The following EXOC6B variants were observed in gnomAD, a reference collection of about 807,000 sequenced individuals.
EXOC6B encodes SEC15 homolog B.
Under a neutral mutation model 113.5 loss-of-function variants are expected in EXOC6B, and 54 were observed. The ratio of observed to expected loss-of-function variants is 0.48; its 90% CI spans 0.38 to 0.60. EXOC6B has a LOEUF of 0.60. Ranked by LOEUF, EXOC6B falls within the 20% of genes least tolerant of loss-of-function variation. EXOC6B has a pLI of 0.00. For missense variants in EXOC6B, 797 were observed against 977.5 expected, an observed-to-expected ratio of 0.82 and a Z score of 2.46; for synonymous variants, 357 against 339.0, an observed-to-expected ratio of 1.05 and a Z score of -0.58.
intron 8 of EXOC6B, among the ~76,000 whole-genome samples, chr2:72,540,032 G>A (rs1702511356): frequency 6.9e-6 from 1 of 144,228 alleles, no homozygotes; most frequent in Non-Finnish European, 1.5e-5. Context: ...CCACCTATGA[G>A]AGAATATGCG....
intron 20 of EXOC6B, among the ~76,000 whole-genome samples, chr2:72,268,379 T>C (rs1573134831): frequency 6.6e-6 from 1 of 152,110 alleles, no homozygotes. Context: ...CCCAAAGTGT[T>C]TGGGTTACAG....
chr2:72,650,082 T>A (rs1424768797), intron 6 of EXOC6B, among the ~76,000 whole-genome samples: 2 of 152,186 alleles, frequency 1.3e-5, no homozygotes, highest in Admixed American at 1.3e-4. Context: ...GACTTCCGCC[T>A]CCTGTCAGAT....
At chr2:72,654,741 T>C (rs1674464379) in intron 6 of EXOC6B, among the ~76,000 whole-genome samples, 1 of 152,168 alleles carries the variant, frequency 6.6e-6, no homozygotes, top group Non-Finnish European at 1.5e-5. Flanking sequence ...TTATCACCCA[T>C]ACATCAAGAC....
At chr2:72,490,870 G>A (rs1469290815) in intron 16 of EXOC6B, among the ~76,000 whole-genome samples, 2 of 152,148 alleles carry the variant, frequency 1.3e-5, no homozygotes, top group South Asian at 2.1e-4. Context: ...AGATTCTTCT[G>A]AGGCCAAAGC....
chr2:72,246,226 C>G (rs1295965177), intron 20 of EXOC6B, among the ~76,000 whole-genome samples: 1 of 152,126 alleles, frequency 6.6e-6, no homozygotes, highest in Non-Finnish European at 1.5e-5. Flanking sequence ...TTGGATGTCA[C>G]TTCCTAACAA....
chr2:72,540,741 T>C (rs1224877088), intron 8 of EXOC6B, among the ~76,000 whole-genome samples: 1 of 152,162 alleles, frequency 6.6e-6, no homozygotes, highest in Non-Finnish European at 1.5e-5. Context: ...GTTAGGTAAA[T>C]AAAGTTTTAT....
intron 6 of EXOC6B, among the ~76,000 whole-genome samples, chr2:72,631,436 A>G (rs1417832993): frequency 0.02 from 408 of 20,752 alleles, 20 homozygotes; most frequent in African/African-American, 0.04. Context: ...GTATATATAT[A>G]TATATATATA....
At chr2:72,316,648 C>G (rs1687530420) in intron 20 of EXOC6B, among the ~76,000 whole-genome samples, 1 of 152,074 alleles carries the variant, frequency 6.6e-6, no homozygotes, top group African/African-American at 2.4e-5. Flanking sequence ...ATTCAGCAAG[C>G]AATTATGAAA....
rs1695517269 is a variant in EXOC6B, at chr2:72,431,485, T to TATC, written c.1980+33674_1980+33675insGAT. ...TGCCACCATGACTGGCTTGATTTCT[T>TATC]TATCTATCTATCTATCTATCTATCT... On this transcript the variant is annotated intron_variant, in intron 18 of 21. Transcript: ENST00000272427. Among the ~76,000 whole-genome samples, 321 of 133,890 alleles carry TATC rather than the reference T, an allele frequency of 2.4e-3. 1 individual carries two copies. The highest frequency in any genetic ancestry group is 8.8e-3 in the African/African-American group (304 of 34,554). 87.8% of individuals were successfully genotyped at this position (133,890 alleles called of 152,430 possible).
intron 15 of EXOC6B, among the ~76,000 whole-genome samples, chr2:72,494,074 T>G (rs1293424632): frequency 2.0e-5 from 3 of 152,134 alleles, no homozygotes; most frequent in African/African-American, 7.2e-5. Context: ...ATCCCCAAGT[T>G]AAATATTTTA....
chr2:72,597,231 C>T (rs1010877664), intron 6 of EXOC6B, among the ~76,000 whole-genome samples: 4 of 150,822 alleles, frequency 2.7e-5, no homozygotes, highest in South Asian at 2.1e-4. Flanking sequence ...AAAAATAATA[C>T]CAATAATGGA....
chr2:72,722,963 A>T (rs1680098534), intron 5 of EXOC6B, among the ~76,000 whole-genome samples: 2 of 152,212 alleles, frequency 1.3e-5, no homozygotes, highest in African/African-American at 4.8e-5. Context: ...ATTCCTGGCA[A>T]CAAAGAATGT....
At chr2:72,216,646 C>A (rs1680554124) in intron 20 of EXOC6B, among the ~76,000 whole-genome samples, 1 of 152,122 alleles carries the variant, frequency 6.6e-6, no homozygotes, top group African/African-American at 2.4e-5. Context: ...GACATGGAAC[C>A]AACCCAAATG....
At chr2:72,249,368 C>A (rs1043720772) in intron 20 of EXOC6B, among the ~76,000 whole-genome samples, 14 of 152,262 alleles carry the variant, frequency 9.2e-5, no homozygotes, top group African/African-American at 3.1e-4. Flanking sequence ...CATTCTCCTG[C>A]CTCATCCTCC....
intron 7 of EXOC6B, among the ~76,000 whole-genome samples, chr2:72,565,492 C>T (rs1398921123): frequency 3.3e-5 from 5 of 150,430 alleles, no homozygotes; most frequent in East Asian, 3.9e-4. Context: ...TGGTATTAAA[C>T]GTAAAAGGTC....
chr2:72,212,922 T>A (rs1387071276), intron 20 of EXOC6B, among the ~76,000 whole-genome samples: 2 of 152,056 alleles, frequency 1.3e-5, no homozygotes, highest in East Asian at 3.9e-4. Context: ...TTTTGCAAAA[T>A]AACACTGTCA....
In EXOC6B at chr2:72,184,143, A is replaced by G. The variant is rs1678269960; in HGVS notation, c.2241T>C (p.Ala747=). 1.3e-6 allele frequency: 2 copies of G among 1,563,088 alleles called. No homozygotes were observed. Among genetic ancestry groups the G allele is most frequent in the East Asian group, 4.8e-5 (2 of 42,010 alleles). Residue 747 remains alanine, a synonymous_variant, in exon 21 of 22, where the codon GCT becomes GCC. Transcript: ENST00000272427. ...ACTTGCAGTTGGGCTGACCATAGTCAGCAAGGTAGGTTGACCAATCCCACT... is the reference window on the plus strand; with the variant it reads ...ACTTGCAGTTGGGCTGACCATAGTCGGCAAGGTAGGTTGACCAATCCCACT... The part of the protein sequence containing the change: ...FIQWDWSTYL[A]DYGQPNCKYL...
chr2:72,548,533 G>A (rs957365591), intron 8 of EXOC6B, among the ~76,000 whole-genome samples: 5 of 152,022 alleles, frequency 3.3e-5, no homozygotes, highest in African/African-American at 7.2e-5. Flanking sequence ...TGATCCTTCC[G>A]TTGGACACCA....
At chr2:72,357,182 A>G (rs893634675) in intron 19 of EXOC6B, among the ~76,000 whole-genome samples, 2 of 152,244 alleles carry the variant, frequency 1.3e-5, no homozygotes, top group African/African-American at 2.4e-5. Flanking sequence ...ATATTTTGAG[A>G]GACAGACACC....
Sources: allele counts gnomAD v4.1 joint callset (sites outside exome capture counted in the v4.1 genomes callset), GRCh38; gene constraint gnomAD v4.1.1; transcripts MANE v1.5; gene names NCBI Gene and HGNC (gene_info 2026-07-23, HGNC 2026-07-21).